Variants in MED14 observed in about 807,000 individuals in gnomAD.
MED14 encodes mediator complex subunit 14, also known as mediator of RNA polymerase II transcription subunit 14.
MED14 carries 8 observed loss-of-function variants against 109.0 expected under a neutral mutation model. The observed-to-expected ratio is 0.07, with a 90% CI of 0.04 to 0.13. MED14 has a LOEUF of 0.13. Ranked by LOEUF, MED14 falls within the 10% of genes least tolerant of loss-of-function variation. The pLI is 1.00. For missense variants in MED14, 711 were observed against 1,142.4 expected, an observed-to-expected ratio of 0.62 and a Z score of 5.44; for synonymous variants, 399 against 408.7, an observed-to-expected ratio of 0.98 and a Z score of 0.29.
At position 40,735,438 on chromosome X, in the gene MED14, A is replaced by C; in HGVS notation, c.-26T>G. 9.0e-7 allele frequency: 1 copy of C among 1,111,550 alleles called. No homozygotes were observed. The highest frequency in any genetic ancestry group is 1.2e-6 in the Non-Finnish European group (1 of 837,452). 91.6% of individuals were successfully genotyped at this position (1,111,550 alleles called of 1,213,427 possible). A position where few individuals can be genotyped will look rare whatever the true frequency, so the allele number is the denominator to read the frequency against. ...GGCGGCGCAGGACCGGGCTTGGCGC[A>C]ACGGCACACGATGCGGTCCTCGAGC... On this transcript the variant is annotated 5_prime_UTR_variant, in exon 1 of 31. Transcript: ENST00000324817.
At chrX:40,698,743 T>C (rs1930814295) in intron 12 of MED14, among the ~76,000 whole-genome samples, 1 of 112,273 alleles carries the variant, frequency 8.9e-6, no homozygotes, top group Non-Finnish European at 1.9e-5. Context: ...TATTAGGATG[T>C]CTATATTCAA....
chrX:40,664,018 T>C lies in MED14; in HGVS notation c.3448+289A>G, dbSNP rs183504583. On this transcript the variant is annotated intron_variant, in intron 25 of 30. Coordinates refer to ENST00000324817, the MANE Select transcript of MED14 (RefSeq NM_004229.4). ...GTAGTTTCAGCCCCACCCCCAAAGTTGATCACCAGTGGCCAGTGATTTAAT... is the reference window on the plus strand; with the variant it reads ...GTAGTTTCAGCCCCACCCCCAAAGTCGATCACCAGTGGCCAGTGATTTAAT... Among the ~76,000 whole-genome samples, 16 of 110,691 alleles carry C rather than the reference T, an allele frequency of 1.4e-4. No individual in the cohort carries two copies. In the East Asian group the frequency reaches 4.6e-3, roughly 31 times the overall value.
Position 40,671,923 on chromosome X carries a change from G to T in MED14, c.3071C>A (p.Pro1024His). The T allele has an allele frequency of 8.3e-7, 1 of 1,206,441 alleles. No individual in the cohort carries two copies. Among genetic ancestry groups the T allele is most frequent in the Non-Finnish European group, 1.1e-6 (1 of 892,270 alleles). ...GTSGAYPLTS[P>H]PTSYHSTVNQ... ...GACTGTGCTATGATAAGATGTAGGG[G>T]GTGAAGTAAGAGGATAAGCACCTGA... The change falls in exon 23 of 31, where the codon CCC (proline) becomes CAC (histidine). Residue 1024 changes from proline to histidine, a missense_variant. Pro to His is a moderately conservative substitution (Grantham distance 77, BLOSUM62 -2). Transcript: ENST00000324817.
At chrX:40,666,562 G>A (rs1385899438) in intron 24 of MED14, among the ~76,000 whole-genome samples, 158 bp downstream of exon 24, 1 of 111,959 alleles carries the variant, frequency 8.9e-6, no homozygotes, top group East Asian at 2.8e-4. Context: ...ACCTCTGTGT[G>A]GTGGGATTAG....
At chrX:40,666,546 G>A (rs186762833) in intron 24 of MED14, among the ~76,000 whole-genome samples, 174 bp downstream of exon 24, 1 of 111,849 alleles carries the variant, frequency 8.9e-6, no homozygotes, top group African/African-American at 3.2e-5. Context: ...AAACTCACTG[G>A]TCGTTACCTC....
intron 3 of MED14, among the ~76,000 whole-genome samples, chrX:40,715,237 T>C (rs1361429409): frequency 9.0e-6 from 1 of 111,302 alleles, no homozygotes; most frequent in Non-Finnish European, 1.9e-5. Context: ...TAAGAGATAA[T>C]GCAAAATAGA....
Position 40,655,071 on chromosome X carries a change from G to A in MED14, c.3973-11C>T. ...TGCTTGGTCAGGGAACTATTTTGAG[G>A]GGGAAAAATCAAGATAAAGGCATAT... On this transcript the variant is annotated splice_polypyrimidine_tract_variant and intron_variant, in intron 28 of 30. Transcript: ENST00000324817. The A allele has an allele frequency of 5.8e-6, 7 of 1,201,260 alleles. No individual in the cohort carries two copies. The highest frequency in any genetic ancestry group is 6.8e-6 in the Non-Finnish European group (6 of 887,186).
chrX:40,704,940 T>C (rs781440718), intron 10 of MED14, among the ~76,000 whole-genome samples: 4 of 111,096 alleles, frequency 3.6e-5, no homozygotes, highest in Non-Finnish European at 7.5e-5. Context: ...CAAATGCAAA[T>C]ATTCCAAAAC....
chrX:40,653,081 C>T (rs1293114922), intron 30 of MED14, among the ~76,000 whole-genome samples: 8 of 112,406 alleles, frequency 7.1e-5, no homozygotes, highest in Non-Finnish European at 1.1e-4. Context: ...GGCAAGAAAA[C>T]TTGCTTGATC....
chrX:40,654,218 T>C, intron 30 of MED14, 146 bp downstream of exon 30: 1 of 476,379 alleles, frequency 2.1e-6, no homozygotes, highest in South Asian at 3.8e-5. Flanking sequence ...AGGCAGACAT[T>C]AAGAGGGCCA....
chrX:40,651,669 A>C lies in MED14; in HGVS notation c.*137T>G. 9.5e-7 allele frequency: 1 copy of C among 1,054,036 alleles called. No homozygotes were observed. Among genetic ancestry groups the C allele is most frequent in the South Asian group, 3.0e-5 (1 of 33,576 alleles). 86.9% of individuals were successfully genotyped at this position (1,054,036 alleles called of 1,213,427 possible). A position where few individuals can be genotyped will look rare whatever the true frequency, so the allele number is the denominator to read the frequency against. The stretch of plus-strand genomic sequence containing the variant: ...ATTTTGATGAAAGAAGTGCACCCTG[A>C]AAATTTTTGCCAGTTTAGAATATTT... On this transcript the variant is annotated 3_prime_UTR_variant, in exon 31 of 31. Coordinates refer to ENST00000324817, the MANE Select transcript of MED14 (RefSeq NM_004229.4).
At chrX:40,714,741 T>C (rs746365335) in intron 3 of MED14, 31 bp from the exon 4 acceptor site, 10 of 1,150,290 alleles carry the variant, frequency 8.7e-6, no homozygotes, top group Middle Eastern at 2.8e-4. Context: ...GTATTAAGCA[T>C]CCCTGAAAAC....
Position 40,735,229 on chromosome X carries a change from C to T in MED14, c.184G>A (p.Ala62Thr). 3 of 1,146,614 alleles carry T rather than the reference C, an allele frequency of 2.6e-6. No homozygotes were observed. Among genetic ancestry groups the T allele is most frequent in the East Asian group, 7.0e-5 (2 of 28,481 alleles). 94.5% of individuals were successfully genotyped at this position (1,146,614 alleles called of 1,213,427 possible). Reference protein sequence around the residue: ...STLIEFLLHRAYSELMVLTDL... With the variant: ...STLIEFLLHRTYSELMVLTDL... ...GTCAACACCATAAGCTCCGAGTAGG[C>T]CCGGTGCAGCAGAAATTCAATGAGG... is the stretch of plus-strand genomic sequence containing the variant. The change falls in exon 1 of 31, where the codon GCC becomes ACC. Residue 62 changes from alanine to threonine, a missense_variant. Transcript: ENST00000324817.
At chrX:40,673,195 A>G (rs1929787634) in intron 22 of MED14, among the ~76,000 whole-genome samples, 1 of 112,609 alleles carries the variant, frequency 8.9e-6, no homozygotes, top group Non-Finnish European at 1.9e-5. Flanking sequence ...TAGGAGGTAC[A>G]TAAAGCCAAA....
intron 24 of MED14, among the ~76,000 whole-genome samples, chrX:40,666,402 G>C (rs770719026): frequency 9.3e-6 from 1 of 107,055 alleles, no homozygotes; most frequent in African/African-American, 3.4e-5. Flanking sequence ...AGGTATTTGA[G>C]GGGGGAGACA....
chrX:40,735,950 G>A (rs1330996424), upstream of MED14: 3 of 249,555 alleles, frequency 1.2e-5, no homozygotes, highest in Non-Finnish European at 2.3e-5. Context: ...AACGTCAGCA[G>A]TTGCCCCGCC....
chrX:40,681,992 T>C (rs1223928661), intron 18 of MED14, 49 bp from the exon 19 acceptor site: 2 of 621,813 alleles, frequency 3.2e-6, no homozygotes, highest in Non-Finnish European at 4.7e-6. Flanking sequence ...ATGTAAAATT[T>C]TAAAATATAA....
intron 26 of MED14, among the ~76,000 whole-genome samples, chrX:40,660,546 G>C (rs1310999254): frequency 8.9e-6 from 1 of 112,010 alleles, no homozygotes; most frequent in Non-Finnish European, 1.9e-5. Context: ...AGCAGCTATA[G>C]ACAATAAATA....
intron 24 of MED14, among the ~76,000 whole-genome samples, chrX:40,665,839 G>A (rs761848390): frequency 8.9e-6 from 1 of 112,071 alleles, no homozygotes; most frequent in Non-Finnish European, 1.9e-5. Flanking sequence ...TCATGGATAT[G>A]AGCACAGATG....
Sources: gnomAD v4.1 joint callset for allele counts (sites outside exome capture counted in the v4.1 genomes callset) on GRCh38, gnomAD v4.1.1 for gene constraint, MANE v1.5 for transcripts, NCBI Gene and HGNC (gene_info 2026-07-23, HGNC 2026-07-21) for gene names.